Variants in INSC observed in about 807,000 individuals in gnomAD.
The protein encoded by INSC is protein inscuteable homolog.
In INSC, 67 loss-of-function variants were observed where a neutral mutation model predicts 58.6. The observed-to-expected ratio is 1.14, with a 90% CI of 0.94 to 1.40. The LOEUF is 1.40. INSC is among the 40% of genes most tolerant of loss of function. The pLI is 0.00. For missense variants in INSC, 714 were observed against 692.0 expected (o/e 1.03, Z -0.36); for synonymous variants, 262 against 276.1 (o/e 0.95, Z 0.51).
intron 7 of INSC, among the ~76,000 whole-genome samples, chr11:15,207,783 A>G (rs1329919870): frequency 6.6e-6 from 1 of 152,208 alleles, no homozygotes; most frequent in Non-Finnish European, 1.5e-5. Flanking sequence ...CAAACAAGCA[A>G]AAAAACCTCA....
chr11:15,253,486 C>T, the INSC span, among the ~76,000 whole-genome samples: 1 of 152,182 alleles, frequency 6.6e-6, no homozygotes, highest in South Asian at 2.1e-4. Flanking sequence ...GTCCCTTCAA[C>T]GCTATCTTTT....
chr11:15,144,275 A>G (rs1199802217), intron 1 of INSC, among the ~76,000 whole-genome samples: 1 of 152,234 alleles, frequency 6.6e-6, no homozygotes, highest in Non-Finnish European at 1.5e-5. Flanking sequence ...GGTGCTCACA[A>G]CAATCTTGTG....
At chr11:15,119,464 T>G (rs1362420698) in intron 1 of INSC, among the ~76,000 whole-genome samples, 1 of 151,688 alleles carries the variant, frequency 6.6e-6, no homozygotes, top group Non-Finnish European at 1.5e-5. Flanking sequence ...TCTGGGGGAG[T>G]CTTGGATGCT....
intron 5 of INSC, among the ~76,000 whole-genome samples, chr11:15,189,276 G>A (rs2133857211): frequency 6.6e-6 from 1 of 152,266 alleles, no homozygotes; most frequent in Admixed American, 6.5e-5. Flanking sequence ...CCACCTGGCA[G>A]GTACCTTTAG....
intron 5 of INSC, among the ~76,000 whole-genome samples, chr11:15,187,479 G>A (rs189019129): frequency 6.6e-6 from 1 of 152,142 alleles, no homozygotes; most frequent in African/African-American, 2.4e-5. Flanking sequence ...AAAACTTTAG[G>A]GAGAGGTCTC....
intron 7 of INSC, among the ~76,000 whole-genome samples, chr11:15,219,812 C>T (rs1194518804): frequency 1.3e-5 from 2 of 152,166 alleles, no homozygotes; most frequent in East Asian, 3.9e-4. Context: ...GGGATGAAAG[C>T]CAGATGGAGT....
intron 3 of INSC, 117 bp from the exon 4 acceptor site, chr11:15,176,994 G>A (rs1849593751): frequency 1.2e-6 from 1 of 836,280 alleles, no homozygotes; most frequent in Non-Finnish European, 2.1e-6. Flanking sequence ...TTAACTGCCT[G>A]TTCCCCAAGT....
At chr11:15,210,468 C>T (rs986301280) in intron 7 of INSC, among the ~76,000 whole-genome samples, 1 of 142,434 alleles carries the variant, frequency 7.0e-6, no homozygotes, top group Non-Finnish European at 1.5e-5. Flanking sequence ...GAGCTGGGTG[C>T]CTGTGAATTC....
chr11:15,180,003 T>C (rs1456887557), intron 5 of INSC, among the ~76,000 whole-genome samples: 3 of 152,172 alleles, frequency 2.0e-5, no homozygotes, highest in Non-Finnish European at 4.4e-5. Flanking sequence ...ACGCCTGTAA[T>C]TCCAGCACTT....
chr11:15,241,196 T>C (rs190477019), intron 12 of INSC, among the ~76,000 whole-genome samples: 45 of 152,328 alleles, frequency 3.0e-4, no homozygotes, highest in African/African-American at 1.0e-3. Context: ...ACTCCCAAAG[T>C]AGAGTAGCTT....
rs568466966 is a variant in INSC at position 15,133,531 on chromosome 11, A to G, written c.-45-15599A>G. On this transcript the variant is annotated intron_variant, in intron 1 of 12. Coordinates refer to ENST00000379556, the MANE Select transcript of INSC (RefSeq NM_001042536.3). ...TAATTCTCAACTCTCATTGTTGACAATGTTGACATAGACGGTTTATTTTCC... is the reference window on the plus strand; with the variant it reads ...TAATTCTCAACTCTCATTGTTGACAGTGTTGACATAGACGGTTTATTTTCC... Among the ~76,000 whole-genome samples, 39 of 152,316 alleles carry G rather than the reference A, an allele frequency of 2.6e-4. 1 individual carries two copies. The South Asian group carries it at 7.7e-3, about 30-fold the overall frequency.
At chr11:15,204,002 G>T (rs979938326) in intron 7 of INSC, among the ~76,000 whole-genome samples, 3 of 152,192 alleles carry the variant, frequency 2.0e-5, no homozygotes, top group East Asian at 3.8e-4. Context: ...CTGAATAGTT[G>T]CAACAGAGAC....
intron 2 of INSC, among the ~76,000 whole-genome samples, chr11:15,155,379 A>C (rs554819508): frequency 1.3e-5 from 2 of 152,216 alleles, no homozygotes; most frequent in Non-Finnish European, 2.9e-5. Flanking sequence ...GTGCTCTGCT[A>C]ACCCTCTGTG....
intron 2 of INSC, among the ~76,000 whole-genome samples, chr11:15,174,942 C>T (rs1337735395): frequency 3.3e-5 from 5 of 152,158 alleles, no homozygotes; most frequent in African/African-American, 1.2e-4. Flanking sequence ...ATATTACTGA[C>T]TTTTACTTGA....
intron 1 of INSC, among the ~76,000 whole-genome samples, chr11:15,121,928 T>G (rs1847883292): frequency 6.6e-6 from 1 of 152,218 alleles, no homozygotes; most frequent in Admixed American, 6.5e-5. Flanking sequence ...GTGCTCTTCC[T>G]TACTATTTAC....
chr11:15,156,562 G>T (rs1848821354), intron 2 of INSC, among the ~76,000 whole-genome samples: 1 of 152,166 alleles, frequency 6.6e-6, no homozygotes. Flanking sequence ...CATTAAGATT[G>T]AATCAAGCAT....
Position 15,240,715 on chromosome 11 carries a change from A to G in INSC, c.1470+192A>G, listed in dbSNP as rs80167082. On this transcript the variant is annotated intron_variant, in intron 12 of 12. Transcript: ENST00000379556. ...TTCATAAAATCATGATGAAAATTAT[A>G]TGAGGTCATATGTGTGAAAGATGAG... Among the ~76,000 whole-genome samples the G allele has an allele frequency of 0.13, 19,211 of 152,232 alleles. 1,381 individuals carry two copies. Among genetic ancestry groups the G allele is most frequent in the Non-Finnish European group, 0.17 (11,428 of 67,988 alleles).
At chr11:15,205,714 C>T (rs918949561) in intron 7 of INSC, among the ~76,000 whole-genome samples, 8 of 151,990 alleles carry the variant, frequency 5.3e-5, no homozygotes, top group African/African-American at 1.5e-4. Flanking sequence ...CTTTAACAGA[C>T]GAGGAAACTG....
the INSC span, among the ~76,000 whole-genome samples, chr11:15,255,589 C>T: frequency 6.6e-6 from 1 of 152,116 alleles, no homozygotes; most frequent in African/African-American, 2.4e-5. Context: ...TCTGATGGTT[C>T]CTTTGTAGAG....
Sources: allele counts gnomAD v4.1 joint callset (sites outside exome capture counted in the v4.1 genomes callset), GRCh38; gene constraint gnomAD v4.1.1; transcripts MANE v1.5; gene names NCBI Gene and HGNC (gene_info 2026-07-23, HGNC 2026-07-21).